The following AHNAK2 variants were observed in gnomAD, a reference collection of about 807,000 sequenced individuals.
AHNAK2 encodes the protein AHNAK nucleoprotein 2.
In AHNAK2, 18 loss-of-function variants were observed where a neutral mutation model predicts 30.7. That is an observed-to-expected ratio of 0.59 (90% CI 0.41 to 0.87). The LOEUF (loss-of-function observed/expected upper bound fraction) is 0.87. Among genes scored for constraint, AHNAK2 ranks in the 40% least tolerant of loss-of-function variants. AHNAK2 has a pLI of 0.00. For missense variants in AHNAK2, 8,604 were observed against 7,373.0 expected, an observed-to-expected ratio of 1.17 and a Z score of -6.11; for synonymous variants, 3,590 against 3,073.8, an observed-to-expected ratio of 1.17 and a Z score of -5.56.
rs2140851164 is a variant in AHNAK2 at position 104,949,846 on chromosome 14, T to G, written c.5605A>C (p.Thr1869Pro). 1.3e-6 allele frequency: 2 copies of G among 1,587,208 alleles called. No homozygotes were observed. The highest frequency in any genetic ancestry group is 4.5e-5 in the East Asian group (2 of 44,696). ...LPSMQGDLKT[T>P]DLCIPLPSAD... ...GAAGGGAGCGGAATGCAGAGGTCCG[T>G]GGTCTTGAGGTCCCCCTGCATGGAG... The change falls in exon 7 of 7, where the codon ACG becomes CCG. Residue 1869 changes from threonine to proline, a missense_variant. Transcript: ENST00000333244.
In AHNAK2 at chr14:104,978,277, T is replaced by A; in HGVS notation, c.-40A>T. 1 of 768,070 alleles carries A rather than the reference T, an allele frequency of 1.3e-6. No individual in the cohort carries two copies. Among genetic ancestry groups the A allele is most frequent in the African/African-American group, 1.9e-5 (1 of 52,794 alleles). 47.6% of individuals were successfully genotyped at this position (768,070 alleles called of 1,614,324 possible). On this transcript the variant is annotated 5_prime_UTR_variant, in exon 1 of 7. Coordinates refer to ENST00000333244, the MANE Select transcript of AHNAK2 (RefSeq NM_138420.4). The stretch of plus-strand genomic sequence containing the variant: ...GGTGCGGGCCTGGCGGCCCGTCGCG[T>A]CCAGTCGCTGGTCCCGGCTCCGGCG...
In AHNAK2 at chr14:104,950,008, C is replaced by A. The variant is rs1327668178; in HGVS notation, c.5443G>T (p.Asp1815Tyr). ...LEGDLSLADK[D>Y]VTAKDSKFKM... The stretch of plus-strand genomic sequence containing the variant: ...AACTTGCTGTCTTTGGCAGTCACAT[C>A]CTTGTCGGCCAGGGACAGGTCACCC... The change falls in exon 7 of 7, where the codon GAT (aspartate) becomes TAT (tyrosine). Residue 1815 changes from aspartate to tyrosine, a missense_variant. By Grantham distance (160) the Asp-to-Tyr change is radical. Transcript: ENST00000333244. 6.3e-7 allele frequency: 1 copy of A among 1,587,724 alleles called. No individual in the cohort carries two copies. Among genetic ancestry groups the A allele is most frequent in the South Asian group, 1.1e-5 (1 of 90,088 alleles).
At position 104,938,014 on chromosome 14, in the gene AHNAK2, T is replaced by C. The variant is rs1486326714; in HGVS notation, c.*49A>G. ...CTCCATATGTGTGTGTAGCCTTTACTTTCCAACTTAGTTTTTTGCATCTCT... is the reference window on the plus strand; with the variant it reads ...CTCCATATGTGTGTGTAGCCTTTACCTTCCAACTTAGTTTTTTGCATCTCT... On this transcript the variant is annotated 3_prime_UTR_variant, in exon 7 of 7. Coordinates refer to ENST00000333244, the MANE Select transcript of AHNAK2 (RefSeq NM_138420.4). 1.9e-6 allele frequency: 3 copies of C among 1,571,352 alleles called. No homozygotes were observed. Among genetic ancestry groups the C allele is most frequent in the Non-Finnish European group, 2.6e-6 (3 of 1,157,120 alleles).
In AHNAK2 at chr14:104,941,104, T is replaced by G; in HGVS notation, c.14347A>C (p.Ile4783Leu). ...GTAACATCCTCACAGGGAGAGAGAATAGAAGATTCAAAGTGAGGACCAGTG... is the reference window on the plus strand; with the variant it reads ...GTAACATCCTCACAGGGAGAGAGAAGAGAAGATTCAAAGTGAGGACCAGTG... ...DLTGPHFESS[I>L]LSPCEDVTLT... Residue 4783 changes from isoleucine to leucine, a missense_variant, in exon 7 of 7, where the codon ATT becomes CTT. By Grantham distance (5) the Ile-to-Leu change is conservative. Transcript: ENST00000333244. 2.5e-6 allele frequency: 4 copies of G among 1,613,528 alleles called. No individual in the cohort carries two copies. The highest frequency in any genetic ancestry group is 3.4e-6 in the Non-Finnish European group (4 of 1,179,876).
rs1469747804 is a variant in AHNAK2, at chr14:104,945,434, C to T, written c.10017G>A (p.Glu3339=). The change falls in exon 7 of 7, where the codon GAG becomes GAA. Residue 3339 remains glutamate (E), a synonymous_variant. Transcript: ENST00000333244. The part of the protein sequence containing the change: ...ASVDVSAPKA[E]ADVSLPSMQG... ...GCATGGAGGGGAGGCTCACGTCGGCCTCCGCCTTCGGCGCAGACACATCCA... is the reference window on the plus strand; with the variant it reads ...GCATGGAGGGGAGGCTCACGTCGGCTTCCGCCTTCGGCGCAGACACATCCA... 7 of 1,613,252 alleles carry T rather than the reference C, an allele frequency of 4.3e-6. No homozygotes were observed. In the East Asian group the frequency reaches 1.1e-4, roughly 26 times the overall value.
At position 104,945,096 on chromosome 14, in the gene AHNAK2, C is replaced by A; in HGVS notation, c.10355G>T (p.Gly3452Val). 1 of 1,611,676 alleles carries A rather than the reference C, an allele frequency of 6.2e-7. No homozygotes were observed. The highest frequency in any genetic ancestry group is 8.5e-7 in the Non-Finnish European group (1 of 1,179,134). The change falls in exon 7 of 7, where the codon GGT becomes GTT. Residue 3452 changes from glycine (G) to valine (V), a missense_variant. Coordinates refer to ENST00000333244, the MANE Select transcript of AHNAK2 (RefSeq NM_138420.4). ...GGACAGGTCCCCCTCCAGCCGCGCA[C>A]CATCCAGCTTGGCTCTCGGGGCCTG... Reference protein sequence around the residue: ...DVQAPRAKLDGARLEGDLSLA... With the variant: ...DVQAPRAKLDVARLEGDLSLA...
At position 104,943,304 on chromosome 14, in the gene AHNAK2, C is replaced by A. The variant is rs374644972; in HGVS notation, c.12147G>T (p.Gly4049=). ...TGGGCATCTGCACCTTGGGCAGGTG[C>A]CCTTTGAGGCTGGCTCCCTCGGGCA... ...GPVPEGASLK[G]HLPKVQMPSF... The change falls in exon 7 of 7, where the codon GGG becomes GGT. Residue 4049 remains glycine, a synonymous_variant. Transcript: ENST00000333244. The A allele has an allele frequency of 6.2e-7, 1 of 1,610,616 alleles. No homozygotes were observed.
rs751209190 is a variant in AHNAK2, at chr14:104,948,106, C to T, written c.7345G>A (p.Val2449Met). The T allele has an allele frequency of 3.4e-5, 55 of 1,611,676 alleles. No individual in the cohort carries two copies. Among genetic ancestry groups the T allele is most frequent in the East Asian group, 6.7e-5 (3 of 44,708 alleles). Residue 2449 changes from valine (V) to methionine (M), a missense_variant, in exon 7 of 7, where the codon GTG becomes ATG. Coordinates refer to ENST00000333244, the MANE Select transcript of AHNAK2 (RefSeq NM_138420.4). ...CCCGGGGCCTCGACATCCACCTCCACGCTGGGCTGAGACACCTCCACGTCG... is the reference window on the plus strand; with the variant it reads ...CCCGGGGCCTCGACATCCACCTCCATGCTGGGCTGAGACACCTCCACGTCG... The part of the protein sequence containing the change: ...APDVEVSQPS[V>M]EVDVEAPGAK...
At chr14:104,968,796 T>C (rs992331479) in intron 1 of AHNAK2, among the ~76,000 whole-genome samples, 1 of 152,188 alleles carries the variant, frequency 6.6e-6, no homozygotes, top group Non-Finnish European at 1.5e-5. Flanking sequence ...ACGTGTGTGC[T>C]CACAGGATGT....
Position 104,966,794 on chromosome 14 carries a change from G to A in AHNAK2, c.56-9122C>T, listed in dbSNP as rs1899315407. Among the ~76,000 whole-genome samples the A allele has an allele frequency of 6.6e-6, 1 of 152,238 alleles. No individual in the cohort carries two copies. The highest frequency in any genetic ancestry group is 2.4e-5 in the African/African-American group (1 of 41,460). The stretch of plus-strand genomic sequence containing the variant: ...GTGGGACGGGGTGGTGCCAAGGAAA[G>A]GGACAGGAATCTGGCCAGAGCCTGC... On this transcript the variant is annotated intron_variant, in intron 1 of 6. Transcript: ENST00000333244. The surrounding 1 kb of genome is among the most constrained non-coding windows in gnomAD (Gnocchi z 4.3).
At chr14:104,968,134 C>G (rs1899360806) in intron 1 of AHNAK2, among the ~76,000 whole-genome samples, 1 of 152,246 alleles carries the variant, frequency 6.6e-6, no homozygotes. Context: ...CCTTCCCCCA[C>G]TCCCCGGGCC....
chr14:104,949,892 C>T lies in AHNAK2; in HGVS notation c.5559G>A (p.Val1853=), dbSNP rs754925180. 3 of 1,588,798 alleles carry T rather than the reference C, an allele frequency of 1.9e-6. No homozygotes were observed. The highest frequency in any genetic ancestry group is 4.5e-5 in the East Asian group (2 of 44,742). Residue 1853 remains valine (V), a synonymous_variant, in exon 7 of 7, where the codon GTG becomes GTA. Transcript: ENST00000333244. ...TGGAGGGGAGGCTCACTTCGGCCTC[C>T]ACCTTCGGCGCAGACACATCCACCG... The part of the protein sequence containing the change: ...EASVDVSAPK[V]EAEVSLPSMQ...
Position 104,954,842 on chromosome 14 carries a change from A to G in AHNAK2, c.652-43T>C, listed in dbSNP as rs1255143526. The G allele has an allele frequency of 2.6e-6, 4 of 1,537,492 alleles. No homozygotes were observed. In the South Asian group the frequency reaches 5.1e-5, roughly 20 times the overall value. On this transcript the variant is annotated intron_variant, in intron 6 of 6. Transcript: ENST00000333244. The surrounding 1 kb of genome is among the most constrained non-coding windows in gnomAD (Gnocchi z 4.3). ...GGAATCTGTTGGTGCCAGTCCAAGA[A>G]GCCTGGGGCCCTGGCCCAGGGACAG... is the stretch of plus-strand genomic sequence containing the variant.
chr14:104,950,251 C>T lies in AHNAK2; in HGVS notation c.5200G>A (p.Gly1734Arg). 1 of 1,585,704 alleles carries T rather than the reference C, an allele frequency of 6.3e-7. No individual in the cohort carries two copies. The highest frequency in any genetic ancestry group is 1.4e-5 in the African/African-American group (1 of 71,972). ...VKLPEGPLPE[G>R]AGFKGHLPKV... The stretch of plus-strand genomic sequence containing the variant: ...GGGAGGTGCCCTTTGAAGCCGGCTC[C>T]CTCGGGAAGGGGGCCCTCCGGGAGT... Residue 1734 changes from glycine to arginine, a missense_variant, in exon 7 of 7, where the codon GGA becomes AGA. Transcript: ENST00000333244.
At chr14:104,961,553 A>T (rs1899149640) in intron 1 of AHNAK2, among the ~76,000 whole-genome samples, 1 of 151,988 alleles carries the variant, frequency 6.6e-6, no homozygotes, top group South Asian at 2.1e-4. Flanking sequence ...ATCTTACATT[A>T]TACTTAAAGT....
chr14:104,941,872 C>A lies in AHNAK2; in HGVS notation c.13579G>T (p.Val4527Leu), dbSNP rs755388865. ...SADLEVQAGQVDLKLPEGHMP... is the reference protein window; with the variant it reads ...SADLEVQAGQLDLKLPEGHMP... ...TGGCCTTCTGGAAGTTTCAAGTCCA[C>A]CTGGCCAGCCTGGACCTCCAGGTCG... Residue 4527 changes from valine to leucine, a missense_variant, in exon 7 of 7, where the codon GTG becomes TTG. Transcript: ENST00000333244. 1.2e-6 allele frequency: 2 copies of A among 1,613,342 alleles called. No homozygotes were observed. The highest frequency in any genetic ancestry group is 1.7e-6 in the Non-Finnish European group (2 of 1,179,650).
At chr14:104,958,162 G>A (rs1219894439) in intron 1 of AHNAK2, among the ~76,000 whole-genome samples, 5 of 152,232 alleles carry the variant, frequency 3.3e-5, no homozygotes, top group African/African-American at 1.2e-4. Context: ...TTAAAAGTTT[G>A]TTCAGGCCGG....
rs538510224 is a variant in AHNAK2, at chr14:104,947,633, A to G, written c.7818T>C (p.Asp2606=). 142 of 1,611,634 alleles carry G rather than the reference A, an allele frequency of 8.8e-5. 2 individuals are homozygous for G. The African/African-American group carries it at 1.4e-3, about 16-fold the overall frequency. ...KGPKAEVTAP[D]VEMSLSSMEV... ...CCATGCTGGACAGAGACATCTCCAC[A>G]TCGGGGGCTGTCACTTCCGCCTTGG... Residue 2606 remains aspartate (D), a synonymous_variant, in exon 7 of 7, where the codon GAT becomes GAC. Coordinates refer to ENST00000333244, the MANE Select transcript of AHNAK2 (RefSeq NM_138420.4).
At position 104,939,660 on chromosome 14, in the gene AHNAK2, G is replaced by T. The variant is rs1377350192; in HGVS notation, c.15791C>A (p.Ser5264Ter). ...ATCACACCTTAGAATATCTGTGGAT[G>T]ATTTGCTCTCAGAAGCTGTCACTTC... ...DAEVTASESK[S>*]STDILRCDLD... is the part of the protein sequence containing the mutation. Residue 5264 changes from serine to a stop codon, truncating the protein, a stop_gained, in exon 7 of 7, where the codon TCA becomes TAA. Transcript: ENST00000333244. LOFTEE classifies it low-confidence loss of function (END_TRUNC). 1.4e-5 allele frequency: 23 copies of T among 1,613,796 alleles called. No individual in the cohort carries two copies. The highest frequency in any genetic ancestry group is 1.6e-5 in the Non-Finnish European group (19 of 1,179,914).
Sources: allele counts gnomAD v4.1 joint callset (sites outside exome capture counted in the v4.1 genomes callset), GRCh38; gene constraint gnomAD v4.1.1; non-coding constraint Gnocchi (gnomAD v3.1); transcripts MANE v1.5; gene names NCBI Gene and HGNC (gene_info 2026-07-23, HGNC 2026-07-21).